Variants in GRID1 observed in about 807,000 individuals in gnomAD.
GRID1 encodes glutamate ionotropic receptor delta type subunit 1.
In GRID1, 28 loss-of-function variants were observed where a neutral mutation model predicts 98.0. The observed-to-expected ratio is 0.29, with a 90% confidence interval of 0.21 to 0.39. The LOEUF (loss-of-function observed/expected upper bound fraction) is 0.39, where lower values mean the gene tolerates loss of function less well. Ranked by LOEUF, GRID1 falls within the 10% of genes least tolerant of loss-of-function variation. GRID1 has a pLI of 1.00. For synonymous variants in GRID1, 553 were observed against 538.5 expected (o/e 1.03, Z -0.37); for missense variants, 1,111 against 1,340.5 (o/e 0.83, Z 2.67).
intron 4 of GRID1, among the ~76,000 whole-genome samples, chr10:85,919,894 A>G (rs746316151): frequency 6.6e-6 from 1 of 151,984 alleles, no homozygotes; most frequent in African/African-American, 2.4e-5. Context: ...GAATCCTGTT[A>G]GCATTTTTTA....
intron 12 of GRID1, among the ~76,000 whole-genome samples, chr10:85,684,787 C>T (rs1841249965): frequency 6.6e-6 from 1 of 152,168 alleles, no homozygotes; most frequent in African/African-American, 2.4e-5. Flanking sequence ...GGCTGGAAGT[C>T]CAAGATCAGG....
intron 5 of GRID1, among the ~76,000 whole-genome samples, chr10:85,870,495 C>T (rs188730376): frequency 6.6e-6 from 1 of 152,236 alleles, no homozygotes; most frequent in Non-Finnish European, 1.5e-5. Flanking sequence ...TTCATATATA[C>T]TTCTATCCTA....
Position 85,749,491 on chromosome 10 carries a change from C to T in GRID1, c.1234-19877G>A, listed in dbSNP as rs144957260. 9.3e-4 allele frequency among the ~76,000 whole-genome samples: 142 copies of T among 152,270 alleles called. 1 individual carries two copies. The highest frequency in any genetic ancestry group is 3.2e-3 in the African/African-American group (135 of 41,550). On this transcript the variant is annotated intron_variant, in intron 8 of 15. Transcript: ENST00000327946. The stretch of plus-strand genomic sequence containing the variant: ...AAATAACAGTCTAGCCTATCCTGAC[C>T]ATAATACATCCCCTACATAGGACAC...
In GRID1 at chr10:86,208,771, C is replaced by T. The variant is rs142603563; in HGVS notation, c.236-2123G>A. Among the ~76,000 whole-genome samples the T allele has an allele frequency of 3.3e-5, 5 of 152,302 alleles. No individual in the cohort carries two copies. The East Asian group carries it at 7.7e-4, about 24-fold the overall frequency. On this transcript the variant is annotated intron_variant, in intron 2 of 15. Coordinates refer to ENST00000327946, the MANE Select transcript of GRID1 (RefSeq NM_017551.3). ...CATCCTTTCCCAGACACAGGCTAAG[C>T]CCAGTTCACAATAGCAGTAAAGACT... is the stretch of plus-strand genomic sequence containing the variant.
chr10:86,075,953 A>G (rs1843875575), intron 4 of GRID1, among the ~76,000 whole-genome samples: 1 of 152,246 alleles, frequency 6.6e-6, no homozygotes, highest in Admixed American at 6.5e-5. Context: ...GTTGGGGCCA[A>G]GACTCATGCT....
intron 6 of GRID1, among the ~76,000 whole-genome samples, chr10:85,857,985 G>A (rs1198380358): frequency 6.6e-6 from 1 of 152,216 alleles, no homozygotes; most frequent in African/African-American, 2.4e-5. Flanking sequence ...TGAAGTCTGA[G>A]ATGAGCCAAT....
intron 2 of GRID1, among the ~76,000 whole-genome samples, chr10:86,324,429 G>A (rs966249719): frequency 2.6e-5 from 4 of 152,160 alleles, no homozygotes; most frequent in Admixed American, 6.5e-5. Flanking sequence ...GCTCTCCACT[G>A]GGAGAAAGGG....
chr10:85,695,729 C>G (rs983116454), intron 12 of GRID1, among the ~76,000 whole-genome samples: 26 of 152,076 alleles, frequency 1.7e-4, no homozygotes, highest in African/African-American at 6.0e-4. Context: ...AAACAATTGT[C>G]CTCAATCTAA....
chr10:85,894,456 G>A (rs1429107930), intron 5 of GRID1, among the ~76,000 whole-genome samples: 1 of 152,124 alleles, frequency 6.6e-6, no homozygotes, highest in Non-Finnish European at 1.5e-5. Flanking sequence ...GTGACAGAAA[G>A]GAGATCAGAG....
At chr10:86,223,997 A>G (rs1846301244) in intron 2 of GRID1, among the ~76,000 whole-genome samples, 1 of 152,152 alleles carries the variant, frequency 6.6e-6, no homozygotes, top group Non-Finnish European at 1.5e-5. Flanking sequence ...TAAACCAAAG[A>G]CCAGAAGATG....
intron 12 of GRID1, among the ~76,000 whole-genome samples, chr10:85,687,132 A>C (rs552165089): frequency 6.6e-6 from 1 of 152,330 alleles, no homozygotes; most frequent in South Asian, 2.1e-4. Context: ...TGACTTTATA[A>C]GTACAGAATA....
intron 4 of GRID1, among the ~76,000 whole-genome samples, chr10:85,968,450 C>CAAAAAAAAAAAAAAAAAAAAAAAA (rs56938729): frequency 2.0e-5 from 2 of 102,446 alleles, no homozygotes; most frequent in African/African-American, 3.7e-5. Flanking sequence ...GACTCTGTCT[C>CAAAAAAAAAAAAAAAAAAAAAAAA]AAAAAAAAAA....
intron 13 of GRID1, among the ~76,000 whole-genome samples, chr10:85,623,186 A>G (rs566846794): frequency 2.0e-5 from 3 of 152,250 alleles, no homozygotes; most frequent in East Asian, 1.9e-4. Context: ...TGGGTCCCCA[A>G]ATTCATTTAT....
chr10:86,108,041 T>C (rs1388008161), intron 4 of GRID1, among the ~76,000 whole-genome samples: 1 of 152,176 alleles, frequency 6.6e-6, no homozygotes, highest in East Asian at 1.9e-4. Flanking sequence ...CTAATTGAGC[T>C]GGTTAACACA....
At chr10:85,928,391 T>A (rs1841804667) in intron 4 of GRID1, among the ~76,000 whole-genome samples, 1 of 152,102 alleles carries the variant, frequency 6.6e-6, no homozygotes, top group Non-Finnish European at 1.5e-5. Flanking sequence ...AAGGGAAAGG[T>A]CTGCAAGGAT....
At chr10:86,253,730 G>C (rs1384044932) in intron 2 of GRID1, among the ~76,000 whole-genome samples, 1 of 152,182 alleles carries the variant, frequency 6.6e-6, no homozygotes, top group East Asian at 1.9e-4. Context: ...TTCAGCCTCA[G>C]TGGGAAATAG....
intron 4 of GRID1, among the ~76,000 whole-genome samples, chr10:86,018,236 G>T (rs1843004080): frequency 6.6e-6 from 1 of 152,188 alleles, no homozygotes; most frequent in Non-Finnish European, 1.5e-5. Context: ...GACTTCTGAT[G>T]AGCTCCTTCA....
intron 4 of GRID1, among the ~76,000 whole-genome samples, chr10:86,057,935 C>A (rs910946083): frequency 6.6e-6 from 1 of 152,148 alleles, no homozygotes; most frequent in Non-Finnish European, 1.5e-5. Context: ...ATGCGGTGTG[C>A]GCTCCAGAAA....
intron 12 of GRID1, among the ~76,000 whole-genome samples, chr10:85,680,250 G>A (rs562210751): frequency 2.0e-5 from 3 of 152,290 alleles, no homozygotes; most frequent in African/African-American, 7.2e-5. Context: ...CCTCCCACCA[G>A]TGTCCAACTC....
Sources: allele counts gnomAD v4.1 joint callset (sites outside exome capture counted in the v4.1 genomes callset), GRCh38; gene constraint gnomAD v4.1.1; transcripts MANE v1.5; gene names NCBI Gene and HGNC (gene_info 2026-07-23, HGNC 2026-07-21).